BICD1: variants seen among roughly 807,000 people sequenced by gnomAD.
The protein encoded by BICD1 is protein bicaudal D homolog 1.
BICD1 carries 35 observed loss-of-function variants against 92.5 expected under a neutral mutation model. The ratio of observed to expected loss-of-function variants is 0.38; its 90% CI spans 0.29 to 0.50. The LOEUF (loss-of-function observed/expected upper bound fraction) is 0.50. Ranked by LOEUF, BICD1 falls within the 20% of genes least tolerant of loss-of-function variation. The pLI is 0.93. For missense variants in BICD1, 950 were observed against 1,189.8 expected (o/e 0.80, Z 2.97); for synonymous variants, 429 against 465.1 (o/e 0.92, Z 1.00).
chr12:32,142,442 C>A, intron 1 of BICD1, among the ~76,000 whole-genome samples: 1 of 7,282 alleles, frequency 1.4e-4, no homozygotes, highest in African/African-American at 7.1e-4. Context: ...CAAAAAACCC[C>A]ACCTATCTAT....
In BICD1 at chr12:32,382,133, C is replaced by A. The variant is rs902408609; in HGVS notation, c.*4506C>A. On this transcript the variant is annotated 3_prime_UTR_variant, in exon 10 of 10. Coordinates refer to ENST00000652176, the MANE Select transcript of BICD1 (RefSeq NM_001714.4). ...AATTAAGTTCATCTTTATTTATATG[C>A]GAACTTAACTGCCATAGTCCCTAAT... The A allele has an allele frequency of 6.6e-6, 1 of 152,028 alleles. No individual in the cohort carries two copies. The highest frequency in any genetic ancestry group is 1.5e-5 in the Non-Finnish European group (1 of 67,942). The allele number at this position is 152,028 out of a possible 1,614,324, so 9.4% of individuals were successfully genotyped here.
intron 1 of BICD1, among the ~76,000 whole-genome samples, chr12:32,141,649 T>C (rs1466319437): frequency 1.3e-5 from 2 of 152,136 alleles, no homozygotes; most frequent in African/African-American, 4.8e-5. Context: ...AATTTTTCTA[T>C]TTTTAGTAGA....
intron 1 of BICD1, among the ~76,000 whole-genome samples, chr12:32,168,919 G>A (rs370243517): frequency 1.3e-4 from 20 of 151,966 alleles, no homozygotes; most frequent in Admixed American, 1.1e-3. Flanking sequence ...CCGAGATCGC[G>A]CGATTGCACT....
chr12:32,249,533 T>G (rs1946474095), intron 2 of BICD1, among the ~76,000 whole-genome samples: 1 of 152,092 alleles, frequency 6.6e-6, no homozygotes, highest in South Asian at 2.1e-4. Flanking sequence ...ATACAGATCA[T>G]TATGGCTGTA....
intron 2 of BICD1, among the ~76,000 whole-genome samples, chr12:32,246,116 G>C (rs147734582): frequency 0.022 from 3,279 of 149,200 alleles, 42 homozygotes; most frequent in Non-Finnish European, 0.025. Context: ...AAAGATTTGC[G>C]TATTGGGTTA....
intron 2 of BICD1, among the ~76,000 whole-genome samples, chr12:32,282,606 G>T (rs1242100970): frequency 6.6e-6 from 1 of 152,136 alleles, no homozygotes; most frequent in Non-Finnish European, 1.5e-5. Flanking sequence ...GGTATCTAAA[G>T]CTGGAGGCCT....
In BICD1 at chr12:32,189,659, C is replaced by T. The variant is rs781230508; in HGVS notation, c.214-26588C>T. Among the ~76,000 whole-genome samples the T allele has an allele frequency of 2.0e-5, 3 of 151,068 alleles. No homozygotes were observed. The East Asian group carries it at 5.8e-4, about 29-fold the overall frequency. On this transcript the variant is annotated intron_variant, in intron 1 of 9. Transcript: ENST00000652176. ...AAAGGTGTAAAGTGTGACATCAACA[C>T]CATAGAATGGTGGGTGGGGGATAAG...
intron 4 of BICD1, among the ~76,000 whole-genome samples, chr12:32,310,340 T>C (rs1948339843): frequency 6.6e-6 from 1 of 152,248 alleles, no homozygotes; most frequent in Non-Finnish European, 1.5e-5. Context: ...GTATTCATTT[T>C]TCCAAAAATG....
intron 1 of BICD1, 120 bp downstream of exon 1, chr12:32,107,664 C>T: frequency 9.1e-7 from 1 of 1,096,500 alleles, no homozygotes; most frequent in Non-Finnish European, 1.3e-6. Context: ...TCTTCTAGGG[C>T]CCTTTGTTGG....
chr12:32,372,412 G>A lies in BICD1; in HGVS notation c.2840+4667G>A, dbSNP rs910443981. Among the ~76,000 whole-genome samples, 6 of 152,060 alleles carry A rather than the reference G, an allele frequency of 3.9e-5. No individual in the cohort carries two copies. In the East Asian group the frequency reaches 9.7e-4, roughly 24 times the overall value. On this transcript the variant is annotated intron_variant, in intron 9 of 9. Coordinates refer to ENST00000652176, the MANE Select transcript of BICD1 (RefSeq NM_001714.4). The stretch of plus-strand genomic sequence containing the variant: ...GGAGAATCACTTGGAACAGGGAGGC[G>A]GAGGTTGCAGTGAACCAAGATCACG...
intron 2 of BICD1, among the ~76,000 whole-genome samples, chr12:32,286,978 A>G: frequency 6.6e-6 from 1 of 152,170 alleles, no homozygotes; most frequent in East Asian, 1.9e-4. Flanking sequence ...ACTAATCTAT[A>G]AAGTAACTCT....
chr12:32,184,238 A>G (rs927969213), intron 1 of BICD1, among the ~76,000 whole-genome samples: 2 of 152,168 alleles, frequency 1.3e-5, no homozygotes, highest in South Asian at 2.1e-4. Flanking sequence ...TTGCTACTCT[A>G]TGGCCTTGAA....
chr12:32,228,030 T>C, intron 2 of BICD1: 1 of 248,318 alleles, frequency 4.0e-6, no homozygotes. Flanking sequence ...CTTGGTCCCT[T>C]TGAAGGACTC....
intron 1 of BICD1, among the ~76,000 whole-genome samples, chr12:32,117,752 ATATATATTT>A (rs1377334518): frequency 1.9e-5 from 2 of 104,234 alleles, no homozygotes; most frequent in African/African-American, 5.8e-5. Context: ...ATATATATAT[ATATATATTT>A]TTTTTTAAGA....
At chr12:32,364,370 T>TGCAGCATCTCAGAGCTACAAGGGACTTCC (rs1319969818) in intron 8 of BICD1, among the ~76,000 whole-genome samples, 1 of 152,162 alleles carries the variant, frequency 6.6e-6, no homozygotes, top group African/African-American at 2.4e-5. Context: ...ACTCAGAGCC[T>TGCAGCATCTCAGAGCTACAAGGGACTTCC]GCAGCATCTC....
chr12:32,128,632 G>A (rs895891324), intron 1 of BICD1, among the ~76,000 whole-genome samples: 3 of 151,220 alleles, frequency 2.0e-5, no homozygotes, highest in Admixed American at 1.3e-4. Flanking sequence ...AGCGTAATTT[G>A]TGCTTAGTTT....
chr12:32,174,150 G>A (rs975229115), intron 1 of BICD1, among the ~76,000 whole-genome samples: 5 of 151,824 alleles, frequency 3.3e-5, no homozygotes, highest in African/African-American at 1.2e-4. Context: ...TTTCCCTTCT[G>A]TACTCTTTCT....
At chr12:32,245,192 CTA>C (rs1282647599) in intron 2 of BICD1, among the ~76,000 whole-genome samples, 1 of 151,334 alleles carries the variant, frequency 6.6e-6, no homozygotes, top group Non-Finnish European at 1.5e-5. Flanking sequence ...TTATATAACT[CTA>C]TGTGCTTTAT....
rs1162833210 is a variant in BICD1 at position 32,337,816 on chromosome 12, G to A, written c.2570G>A (p.Arg857Lys). 2.5e-6 allele frequency: 4 copies of A among 1,614,054 alleles called. No individual in the cohort carries two copies. The highest frequency in any genetic ancestry group is 2.2e-5 in the East Asian group (1 of 44,878). Reference sequence around the variant, plus strand: ...GTCAGCAGTGGCACTCAGAGGAAAAGGTATGCATGCAGCGATCTTCATAGT... The same window carrying A: ...GTCAGCAGTGGCACTCAGAGGAAAAAGTATGCATGCAGCGATCTTCATAGT... The part of the protein sequence containing the change: ...IRVSSGTQRK[R>K]QFSPSLCDQS... Residue 857 changes from arginine (R) to lysine (K), a missense_variant and splice_region_variant, in exon 7 of 10, where the codon AGA (arginine) becomes AAA (lysine). Arg to Lys is a conservative substitution (Grantham distance 26). Around this residue, in one of 5 missense-constraint regions of BICD1, gnomAD observed 179 missense variants for 186.7 expected, o/e 0.96. Coordinates refer to ENST00000652176, the MANE Select transcript of BICD1 (RefSeq NM_001714.4). The surrounding 1 kb of genome is among the most constrained non-coding windows in gnomAD (Gnocchi z 4.7).
Sources: allele counts gnomAD v4.1 joint callset (sites outside exome capture counted in the v4.1 genomes callset), GRCh38; gene constraint gnomAD v4.1.1; regional missense constraint gnomAD v4.1.1; non-coding constraint Gnocchi (gnomAD v3.1); transcripts MANE v1.5; gene names NCBI Gene and HGNC (gene_info 2026-07-23, HGNC 2026-07-21).